Variants in CDC73 observed in about 807,000 individuals in gnomAD.
CDC73 encodes the protein cell division cycle 73.
Under a neutral mutation model 83.7 loss-of-function variants are expected in CDC73, and 21 were observed. The ratio of observed to expected loss-of-function variants is 0.25; its 90% CI spans 0.18 to 0.36. The LOEUF (loss-of-function observed/expected upper bound fraction) is 0.36, where lower values mean the gene tolerates loss of function less well. CDC73 is among the 10% of genes least tolerant of loss of function. The pLI is 1.00. For missense variants in CDC73, 342 were observed against 653.3 expected, an observed-to-expected ratio of 0.52 and a Z score of 5.19; for synonymous variants, 224 against 212.9, an observed-to-expected ratio of 1.05 and a Z score of -0.45.
chr1:193,246,005 TTTCTAGTATA>T (rs1297476859), intron 15 of CDC73, among the ~76,000 whole-genome samples: 4 of 152,156 alleles, frequency 2.6e-5, no homozygotes, highest in African/African-American at 9.7e-5. Context: ...AATTTTTAAG[TTTCTAGTATA>T]TTCTGATTAT....
intron 10 of CDC73, among the ~76,000 whole-genome samples, chr1:193,160,285 A>G (rs917880022): frequency 6.6e-6 from 1 of 152,138 alleles, no homozygotes; most frequent in African/African-American, 2.4e-5. Context: ...TGCCACGTAT[A>G]TCAGAGTAAT....
chr1:193,222,161 C>T (rs1301786464), intron 13 of CDC73, among the ~76,000 whole-genome samples: 1 of 152,080 alleles, frequency 6.6e-6, no homozygotes, highest in Non-Finnish European at 1.5e-5. Context: ...TTTATTGGAA[C>T]TGTAAGGTTA....
At chr1:193,193,192 A>G (rs993070806) in intron 10 of CDC73, among the ~76,000 whole-genome samples, 14 of 152,168 alleles carry the variant, frequency 9.2e-5, no homozygotes, top group African/African-American at 3.4e-4. Context: ...CCTGCCCCCA[A>G]CTTCTTAGGC....
chr1:193,209,787 A>G (rs1405431565), intron 11 of CDC73, among the ~76,000 whole-genome samples: 2 of 152,042 alleles, frequency 1.3e-5, no homozygotes, highest in Non-Finnish European at 2.9e-5. Flanking sequence ...TAAATTCCTG[A>G]GGGCATTTGT....
At position 193,142,268 on chromosome 1, in the gene CDC73, A is replaced by C. The variant is rs148211159; in HGVS notation, c.729+202A>C. Among the ~76,000 whole-genome samples the C allele has an allele frequency of 0.012, 1,842 of 152,286 alleles. 17 individuals are homozygous for C. The highest frequency in any genetic ancestry group is 0.034 in the South Asian group (164 of 4,834). On this transcript the variant is annotated intron_variant, in intron 7 of 16. Coordinates refer to ENST00000367435, the MANE Select transcript of CDC73 (RefSeq NM_024529.5). ...TGAATATGGTTGTTAGACATCAGAGATGCTGATGAAAAAGTAGGAATCAAA... is the reference window on the plus strand; with the variant it reads ...TGAATATGGTTGTTAGACATCAGAGCTGCTGATGAAAAAGTAGGAATCAAA...
chr1:193,194,395 TACAGATCA>T (rs908208128), intron 10 of CDC73, among the ~76,000 whole-genome samples: 10 of 152,164 alleles, frequency 6.6e-5, no homozygotes, highest in African/African-American at 1.9e-4. Flanking sequence ...TCTTAAGACT[TACAGATCA>T]ACTTTTTTCA....
intron 13 of CDC73, among the ~76,000 whole-genome samples, chr1:193,220,102 C>A (rs1257686558): frequency 6.6e-6 from 1 of 151,614 alleles, no homozygotes; most frequent in East Asian, 1.9e-4. Flanking sequence ...TAATAAATAC[C>A]CAGAAGGGGA....
chr1:193,233,240 T>C, intron 14 of CDC73, 86 bp downstream of exon 14: 1 of 1,249,594 alleles, frequency 8.0e-7, no homozygotes, highest in South Asian at 1.2e-5. Flanking sequence ...GACGTTGCTT[T>C]TTAAGAGATG....
In CDC73 at chr1:193,252,803, A is replaced by G. The variant is rs1341907407; in HGVS notation, c.*2091A>G. On this transcript the variant is annotated 3_prime_UTR_variant, in exon 17 of 17. Transcript: ENST00000367435. The stretch of plus-strand genomic sequence containing the variant: ...ATTTATTCTCCCATGACATGGTCCT[A>G]TATAGCAGTACTTAACACAGTGCCT... 1.3e-5 allele frequency: 3 copies of G among 231,848 alleles called. No individual in the cohort carries two copies. In the South Asian group the frequency reaches 5.4e-4, roughly 42 times the overall value. 14.4% of individuals were successfully genotyped at this position (231,848 alleles called of 1,614,324 possible). A position where few individuals can be genotyped will look rare whatever the true frequency, so the allele number is the denominator to read the frequency against.
At chr1:193,212,979 C>G (rs1254125120) in intron 13 of CDC73, among the ~76,000 whole-genome samples, 2 of 152,054 alleles carry the variant, frequency 1.3e-5, no homozygotes, top group Non-Finnish European at 2.9e-5. Flanking sequence ...TCCTCATTTC[C>G]TTATTAAAAT....
intron 10 of CDC73, among the ~76,000 whole-genome samples, chr1:193,195,183 A>G (rs1345841570): frequency 6.6e-6 from 1 of 152,144 alleles, no homozygotes; most frequent in Non-Finnish European, 1.5e-5. Flanking sequence ...CACATTAGGA[A>G]TGGGAATCTG....
intron 9 of CDC73, among the ~76,000 whole-genome samples, chr1:193,152,078 A>G (rs904937153): frequency 6.6e-6 from 1 of 152,194 alleles, no homozygotes; most frequent in Admixed American, 6.5e-5. Context: ...ATTAGTAGTA[A>G]GTAATTTGGG....
At chr1:193,150,447 C>G in intron 9 of CDC73, 65 bp downstream of exon 9, 1 of 1,158,480 alleles carries the variant, frequency 8.6e-7, no homozygotes. Flanking sequence ...GCAGTGTGGC[C>G]TGATGTTTAA....
intron 9 of CDC73, among the ~76,000 whole-genome samples, chr1:193,152,117 A>G (rs1676124324): frequency 6.6e-6 from 1 of 152,180 alleles, no homozygotes; most frequent in East Asian, 1.9e-4. Flanking sequence ...TTAATTTTTG[A>G]ACATAATTGC....
chr1:193,169,230 AT>A (rs1201660941), intron 10 of CDC73, among the ~76,000 whole-genome samples: 15 of 152,354 alleles, frequency 9.8e-5, no homozygotes, highest in African/African-American at 3.6e-4. Context: ...TTAAGTAAAA[AT>A]ATGAACTTTA....
chr1:193,191,382 T>C (rs1036004252), intron 10 of CDC73, among the ~76,000 whole-genome samples: 1 of 152,158 alleles, frequency 6.6e-6, no homozygotes, highest in African/African-American at 2.4e-5. Context: ...ATTTTTATCA[T>C]AAATCTCTCT....
intron 13 of CDC73, among the ~76,000 whole-genome samples, chr1:193,216,255 A>G (rs1013690778): frequency 6.6e-6 from 1 of 152,176 alleles, no homozygotes; most frequent in Admixed American, 6.5e-5. Flanking sequence ...GAAATGACAA[A>G]GGGACATTAC....
rs146068358 is a variant in CDC73 at position 193,229,820 on chromosome 1, G to A, written c.1155-3173G>A. The stretch of plus-strand genomic sequence containing the variant: ...AGCCAGGTACAAAATAATACATCTG[G>A]TATATGAGTGTGTCTATATAAATTC... On this transcript the variant is annotated intron_variant, in intron 13 of 16. Coordinates refer to ENST00000367435, the MANE Select transcript of CDC73 (RefSeq NM_024529.5). 7.2e-4 allele frequency among the ~76,000 whole-genome samples: 109 copies of A among 152,272 alleles called. 1 individual carries two copies. Among genetic ancestry groups the A allele is most frequent in the African/African-American group, 4.6e-4 (19 of 41,546 alleles).
intron 10 of CDC73, among the ~76,000 whole-genome samples, chr1:193,172,074 G>A (rs756053627): frequency 2.0e-5 from 3 of 151,862 alleles, no homozygotes; most frequent in Non-Finnish European, 4.4e-5. Flanking sequence ...ACAGGTGTGC[G>A]CCACCACACC....
Sources: gnomAD v4.1 joint callset for allele counts (sites outside exome capture counted in the v4.1 genomes callset) on GRCh38, gnomAD v4.1.1 for gene constraint, MANE v1.5 for transcripts, NCBI Gene and HGNC (gene_info 2026-07-23, HGNC 2026-07-21) for gene names.